Variants in KYNU observed in about 807,000 individuals in gnomAD.
KYNU encodes the protein L-kynurenine hydrolase.
Under a neutral mutation model 59.2 loss-of-function variants are expected in KYNU, and 54 were observed. That is an observed-to-expected ratio of 0.91 (90% CI 0.73 to 1.14). The LOEUF (loss-of-function observed/expected upper bound fraction) is 1.14, where lower values mean the gene tolerates loss of function less well. Among genes scored for constraint, KYNU ranks in the 50% most tolerant of loss-of-function variants. The pLI is 0.00. For missense variants in KYNU, 567 were observed against 554.4 expected (o/e 1.02, Z -0.23); for synonymous variants, 177 against 192.0 (o/e 0.92, Z 0.65).
Position 142,956,207 on chromosome 2 carries a change from C to A in KYNU, c.440C>A (p.Ser147Ter). Residue 147 changes from serine to a stop codon, truncating the protein, a stop_gained, in exon 6 of 14, where the codon TCA becomes TAA. Transcript: ENST00000264170. LOFTEE classifies it high-confidence loss of function. ...AATAAATCCATTTTATTGCAGTTATCATTTTTTAAGCCTACGCCAAAACGA... is the reference window on the plus strand; with the variant it reads ...AATAAATCCATTTTATTGCAGTTATAATTTTTTAAGCCTACGCCAAAACGA... ...LTVNLHLLMLSFFKPTPKRYK... is the reference protein window; with the variant it reads ...LTVNLHLLML 1.9e-6 allele frequency: 3 copies of A among 1,575,678 alleles called. No homozygotes were observed. In the African/African-American group the frequency reaches 4.0e-5, roughly 21 times the overall value.
At chr2:142,995,495 C>G (rs1298783951) in intron 10 of KYNU, among the ~76,000 whole-genome samples, 1 of 152,064 alleles carries the variant, frequency 6.6e-6, no homozygotes, top group Non-Finnish European at 1.5e-5. Context: ...ATTAAGTCAG[C>G]TAACTTCGAA....
At chr2:142,919,168 A>C (rs1311197942) in intron 3 of KYNU, among the ~76,000 whole-genome samples, 2 of 152,222 alleles carry the variant, frequency 1.3e-5, no homozygotes, top group Admixed American at 6.5e-5. Context: ...GATACAGAGA[A>C]ACTTTAGCTG....
At chr2:142,999,227 C>T (rs1685639939) in intron 10 of KYNU, among the ~76,000 whole-genome samples, 1 of 152,016 alleles carries the variant, frequency 6.6e-6, no homozygotes, top group Non-Finnish European at 1.5e-5. Context: ...TACATTTGGA[C>T]TTTAACAATA....
chr2:142,939,370 G>C (rs956604930), intron 4 of KYNU, among the ~76,000 whole-genome samples: 4 of 152,114 alleles, frequency 2.6e-5, no homozygotes, highest in African/African-American at 9.7e-5. Flanking sequence ...TTGGGAGGCT[G>C]AAGCGGGCAG....
rs1203589262 is a variant in KYNU, at chr2:143,033,328, G to A, written c.1041+7G>A. 6.2e-7 allele frequency: 1 copy of A among 1,603,600 alleles called. No homozygotes were observed. The highest frequency in any genetic ancestry group is 1.3e-5 in the African/African-American group (1 of 74,742). Reference sequence around the variant, plus strand: ...CTTGCATGCTAGTTTAGAGGTAAGTGATGTGTGTTTCAACCTTCCCACATC... The same window carrying A: ...CTTGCATGCTAGTTTAGAGGTAAGTAATGTGTGTTTCAACCTTCCCACATC... On this transcript the variant is annotated splice_region_variant and intron_variant, in intron 12 of 13. Coordinates refer to ENST00000264170, the MANE Select transcript of KYNU (RefSeq NM_003937.3).
intron 4 of KYNU, among the ~76,000 whole-genome samples, chr2:142,952,398 T>C (rs1378706256): frequency 1.3e-5 from 2 of 152,124 alleles, no homozygotes; most frequent in African/African-American, 2.4e-5. Context: ...TTTCTTTTTA[T>C]TTGTTTTTGT....
intron 1 of KYNU, among the ~76,000 whole-genome samples, chr2:142,878,503 T>C (rs891661506): frequency 2.0e-5 from 3 of 152,166 alleles, no homozygotes; most frequent in African/African-American, 7.2e-5. Context: ...ACTACACGCT[T>C]TCTCAACATA....
rs192898530 is a variant in KYNU at position 143,044,539 on chromosome 2, A to G, written c.*2367A>G. ...TGATTAGCATTCTAACTGGCGTGAGATGGTATTTCATTGTGGTTTTGATTT... is the reference window on the plus strand; with the variant it reads ...TGATTAGCATTCTAACTGGCGTGAGGTGGTATTTCATTGTGGTTTTGATTT... On this transcript the variant is annotated 3_prime_UTR_variant, in exon 14 of 14. Transcript: ENST00000264170. 4 of 152,256 alleles carry G rather than the reference A, an allele frequency of 2.6e-5. No homozygotes were observed. The highest frequency in any genetic ancestry group is 7.2e-5 in the African/African-American group (3 of 41,548). The allele number at this position is 152,256 out of a possible 1,614,324, so 9.4% of individuals were successfully genotyped here.
At chr2:142,958,639 G>T (rs1020717425) in intron 7 of KYNU, among the ~76,000 whole-genome samples, 1 of 152,164 alleles carries the variant, frequency 6.6e-6, no homozygotes, top group African/African-American at 2.4e-5. Context: ...GATATAAATT[G>T]TTAATTTCTA....
chr2:142,992,888 C>T (rs1451573160), intron 10 of KYNU, among the ~76,000 whole-genome samples: 1 of 151,934 alleles, frequency 6.6e-6, no homozygotes, highest in Non-Finnish European at 1.5e-5. Context: ...ATCTTTTAAC[C>T]AGTTAAATAA....
intron 10 of KYNU, among the ~76,000 whole-genome samples, chr2:143,000,583 T>C (rs1046240140): frequency 9.9e-5 from 15 of 152,204 alleles, no homozygotes; most frequent in Non-Finnish European, 1.8e-4. Flanking sequence ...GGGGTATTTA[T>C]TTTAAAGAAA....
At chr2:142,985,735 G>A (rs933101004) in intron 9 of KYNU, among the ~76,000 whole-genome samples, 9 of 151,794 alleles carry the variant, frequency 5.9e-5, no homozygotes, top group Non-Finnish European at 7.4e-5. Context: ...AAAAGTAATA[G>A]CCATTTATTC....
At chr2:142,941,197 C>T (rs1045385395) in intron 4 of KYNU, among the ~76,000 whole-genome samples, 2 of 152,090 alleles carry the variant, frequency 1.3e-5, no homozygotes, top group Admixed American at 6.5e-5. Flanking sequence ...TCTCAGGGCC[C>T]CAACTTAAGT....
intron 2 of KYNU, among the ~76,000 whole-genome samples, chr2:142,906,183 A>G (rs1682292018): frequency 6.6e-6 from 1 of 152,132 alleles, no homozygotes; most frequent in Non-Finnish European, 1.5e-5. Context: ...CCCATTTGCC[A>G]CTATAGGAAT....
chr2:142,903,201 C>A (rs551874380), intron 2 of KYNU, among the ~76,000 whole-genome samples: 17 of 151,960 alleles, frequency 1.1e-4, no homozygotes, highest in Non-Finnish European at 1.8e-4. Context: ...CCTTGTTGGG[C>A]CTCGGGTCTA....
At chr2:142,918,774 A>G (rs1035036159) in intron 3 of KYNU, 45 bp downstream of exon 3, 2 of 1,582,970 alleles carry the variant, frequency 1.3e-6, no homozygotes, top group Non-Finnish European at 1.7e-6. Flanking sequence ...TCATACAAAA[A>G]TTTACAAAAT....
intron 2 of KYNU, among the ~76,000 whole-genome samples, chr2:142,897,958 G>A (rs900827021): frequency 2.6e-5 from 4 of 152,052 alleles, no homozygotes; most frequent in Non-Finnish European, 5.9e-5. Flanking sequence ...CTGGAATGCA[G>A]TGGTGCTGTC....
chr2:142,985,175 CCTA>C lies in KYNU; in HGVS notation c.823_825del (p.Tyr275del). On this transcript the variant is annotated inframe_deletion, in exon 9 of 14. Coordinates refer to ENST00000264170, the MANE Select transcript of KYNU (RefSeq NM_003937.3). Reference sequence around the variant, plus strand: ...GGAGTTGATTTTGCCTGCTGGTGTTCCTACAAGGTACAAACGAGTTAATACATT... The same window carrying C: ...GGAGTTGATTTTGCCTGCTGGTGTTCCAAGGTACAAACGAGTTAATACATT... 4 of 1,586,280 alleles carry C rather than the reference CCTA, an allele frequency of 2.5e-6. No individual in the cohort carries two copies. The highest frequency in any genetic ancestry group is 3.5e-6 in the Non-Finnish European group (4 of 1,155,212).
At chr2:142,926,042 G>C (rs1482560765) in intron 3 of KYNU, among the ~76,000 whole-genome samples, 1 of 152,078 alleles carries the variant, frequency 6.6e-6, no homozygotes, top group Admixed American at 6.6e-5. Context: ...AGAAAACCAA[G>C]CACCGCATGT....
Sources: allele counts gnomAD v4.1 joint callset (sites outside exome capture counted in the v4.1 genomes callset), GRCh38; gene constraint gnomAD v4.1.1; transcripts MANE v1.5; gene names NCBI Gene and HGNC (gene_info 2026-07-23, HGNC 2026-07-21).